Variants in TNS1 observed in about 807,000 individuals in gnomAD.
TNS1 encodes tensin 1.
TNS1 carries 62 observed loss-of-function variants against 168.6 expected under a neutral mutation model. The observed-to-expected ratio is 0.37, with a 90% CI of 0.30 to 0.45. TNS1 has a LOEUF of 0.45. Among genes scored for constraint, TNS1 ranks in the 20% least tolerant of loss-of-function variants. The probability of loss-of-function intolerance (pLI) is 1.00; values close to 1 mark genes in which losing one functional copy is unlikely to be tolerated. For synonymous variants in TNS1, 934 were observed against 933.2 expected (o/e 1.00, Z -0.02); for missense variants, 2,240 against 2,339.4 (o/e 0.96, Z 0.88).
intron 18 of TNS1, chr2:217,859,307 GACA>G: frequency 3.0e-6 from 1 of 335,714 alleles, no homozygotes; most frequent in Non-Finnish European, 5.4e-6. Flanking sequence ...CAGAACAGAT[GACA>G]ACAATTTTCC....
intron 3 of TNS1, among the ~76,000 whole-genome samples, chr2:217,972,983 C>T (rs1957806107): frequency 6.6e-6 from 1 of 152,012 alleles, no homozygotes; most frequent in South Asian, 2.1e-4. Flanking sequence ...GTTATGGAGT[C>T]ATATAGCAGG....
At position 217,993,561 on chromosome 2, in the gene TNS1, C is replaced by T. The variant is rs144462930; in HGVS notation, c.34-2505G>A. 3.5e-4 allele frequency among the ~76,000 whole-genome samples: 54 copies of T among 152,308 alleles called. 1 individual carries two copies. In the East Asian group the frequency reaches 9.6e-3, roughly 27 times the overall value. The stretch of plus-strand genomic sequence containing the variant: ...ACTAAGGGACAACCTACACATTAAA[C>T]GTCTTGGAATCTCCGAAAGTGACAA... On this transcript the variant is annotated intron_variant, in intron 1 of 32. Coordinates refer to ENST00000682258, the MANE Select transcript of TNS1 (RefSeq NM_001387777.1).
chr2:217,804,280 C>CTCTT lies in TNS1; in HGVS notation c.*178_*179insAAGA. 1 of 674,262 alleles carries CTCTT rather than the reference C, an allele frequency of 1.5e-6. No homozygotes were observed. Among genetic ancestry groups the CTCTT allele is most frequent in the Non-Finnish European group, 2.5e-6 (1 of 404,626 alleles). The allele number at this position is 674,262 out of a possible 1,614,324, so 41.8% of individuals were successfully genotyped here. A position where few individuals can be genotyped will look rare whatever the true frequency, so the allele number is the denominator to read the frequency against. The stretch of plus-strand genomic sequence containing the variant: ...TTTCTCTCTCTCTCTCTCTCTCTCT[C>CTCTT]TCTCTCTCTTTTCCCCCTCCCCTCT... On this transcript the variant is annotated 3_prime_UTR_variant, in exon 33 of 33. Transcript: ENST00000682258.
chr2:217,857,965 A>G (rs1233041801), intron 18 of TNS1, among the ~76,000 whole-genome samples: 1 of 152,130 alleles, frequency 6.6e-6, no homozygotes, highest in Non-Finnish European at 1.5e-5. Flanking sequence ...GCTAGAGGAG[A>G]GTCAAGCTGC....
intron 1 of TNS1, among the ~76,000 whole-genome samples, chr2:218,008,260 A>G (rs1958677349): frequency 6.6e-6 from 1 of 152,166 alleles, no homozygotes; most frequent in African/African-American, 2.4e-5. Context: ...TGCCTGACTC[A>G]GGCCCCGCAA....
At chr2:217,835,305 GGGCAGGAGACAGGTCCTGCCACA>G in intron 20 of TNS1, 139 bp from the exon 21 acceptor site, 2 of 745,620 alleles carry the variant, frequency 2.7e-6, no homozygotes, top group Non-Finnish European at 4.3e-6. Flanking sequence ...CTGGTGCTCA[GGGCAGGAGACAGGTCCTGCCACA>G]GGCAGGAGAG....
At chr2:218,031,567 G>C (rs79979972) in intron 1 of TNS1, among the ~76,000 whole-genome samples, 1 of 81,274 alleles carries the variant, frequency 1.2e-5, no homozygotes, top group Non-Finnish European at 2.0e-5. Context: ...GTGTGTGTCT[G>C]TGTGTGTGTG....
chr2:217,807,845 G>A lies in TNS1; in HGVS notation c.5375+230C>T, dbSNP rs188646545. Among the ~76,000 whole-genome samples, 177 of 152,310 alleles carry A rather than the reference G, an allele frequency of 1.2e-3. 1 individual carries two copies. The highest frequency in any genetic ancestry group is 5.2e-3 in the Admixed American group (80 of 15,304). ...GCCATCCCTGCTGCTTCTAACCCTG[G>A]GAGAGTGAAGGCAGCTGGACCAGAC... On this transcript the variant is annotated intron_variant, in intron 32 of 32. Transcript: ENST00000682258.
intron 28 of TNS1, among the ~76,000 whole-genome samples, chr2:217,812,054 G>A (rs1941013162): frequency 6.6e-6 from 1 of 152,094 alleles, no homozygotes; most frequent in Non-Finnish European, 1.5e-5. Context: ...CATGTCTCCT[G>A]TCCCCTACTT....
In TNS1 at chr2:217,800,964, C is replaced by G. The variant is rs1937402619; in HGVS notation, c.*3495G>C. On this transcript the variant is annotated 3_prime_UTR_variant, in exon 33 of 33. Transcript: ENST00000682258. ...GAGAGCCGTTTATAGGGGGATCACA[C>G]TTGTCCAGGAGGGCTGCCCCTCCTG... 6.6e-6 allele frequency: 1 copy of G among 152,142 alleles called. No homozygotes were observed. Among genetic ancestry groups the G allele is most frequent in the Admixed American group, 6.5e-5 (1 of 15,268 alleles). The allele number at this position is 152,142 out of a possible 1,614,324, so 9.4% of individuals were successfully genotyped here.
intron 4 of TNS1, among the ~76,000 whole-genome samples, chr2:217,913,461 C>A (rs1954657121): frequency 6.6e-6 from 1 of 152,134 alleles, no homozygotes; most frequent in South Asian, 2.1e-4. Context: ...ATATGGCTCT[C>A]CTCCCCGACC....
intron 6 of TNS1, among the ~76,000 whole-genome samples, chr2:217,903,135 C>T (rs1953215196): frequency 6.6e-6 from 1 of 152,150 alleles, no homozygotes. Context: ...CATCCCTGGG[C>T]CTCCAATCTT....
intron 6 of TNS1, among the ~76,000 whole-genome samples, chr2:217,905,021 T>A (rs1356871720): frequency 6.6e-6 from 1 of 152,174 alleles, no homozygotes; most frequent in Non-Finnish European, 1.5e-5. Context: ...ATCTATAAAG[T>A]GGATTCATAG....
At chr2:217,808,410 G>A (rs569706237) in intron 31 of TNS1, among the ~76,000 whole-genome samples, 193 bp downstream of exon 31, 79 of 152,162 alleles carry the variant, frequency 5.2e-4, no homozygotes, top group Non-Finnish European at 8.4e-4. Context: ...TCCCTGGGAG[G>A]GTCTCCATAT....
chr2:217,861,221 C>A (rs1033085890), intron 18 of TNS1, among the ~76,000 whole-genome samples: 1 of 152,206 alleles, frequency 6.6e-6, no homozygotes, highest in Non-Finnish European at 1.5e-5. Context: ...TTTCCACTAA[C>A]TGGCCTTACA....
chr2:217,814,833 C>T, intron 25 of TNS1, 79 bp downstream of exon 25: 2 of 1,263,722 alleles, frequency 1.6e-6, no homozygotes, highest in Non-Finnish European at 2.3e-6. Flanking sequence ...CTGAATTTGC[C>T]TCTGTTCCTT....
At chr2:218,026,541 C>A (rs1958850843) in intron 1 of TNS1, among the ~76,000 whole-genome samples, 1 of 152,190 alleles carries the variant, frequency 6.6e-6, no homozygotes, top group Non-Finnish European at 1.5e-5. Context: ...CTCCCCAGGG[C>A]AGGCCAGGTT....
At chr2:217,914,380 G>A (rs1954767406) in intron 4 of TNS1, among the ~76,000 whole-genome samples, 1 of 152,202 alleles carries the variant, frequency 6.6e-6, no homozygotes, top group Non-Finnish European at 1.5e-5. Context: ...ACTTTGTAAC[G>A]CAGCCAAATG....
intron 3 of TNS1, among the ~76,000 whole-genome samples, chr2:217,972,828 G>A (rs571992131): frequency 6.6e-6 from 1 of 152,336 alleles, no homozygotes; most frequent in South Asian, 2.1e-4. Context: ...TTTTCAAAAT[G>A]TATCCAGGGG....
Sources: allele counts gnomAD v4.1 joint callset (sites outside exome capture counted in the v4.1 genomes callset), GRCh38; gene constraint gnomAD v4.1.1; transcripts MANE v1.5; gene names NCBI Gene and HGNC (gene_info 2026-07-23, HGNC 2026-07-21).